Variants in PPM1A observed in about 807,000 individuals in gnomAD.
PPM1A encodes protein phosphatase 1A.
A neutral mutation model predicts 35.0 loss-of-function variants in PPM1A; 7 were observed. The ratio of observed to expected loss-of-function variants is 0.20; its 90% CI spans 0.11 to 0.38. The LOEUF (loss-of-function observed/expected upper bound fraction) is 0.38. Ranked by LOEUF, PPM1A falls within the 10% of genes least tolerant of loss-of-function variation. The pLI is 1.00. For missense variants in PPM1A, 239 were observed against 467.8 expected (o/e 0.51, Z 4.51); for synonymous variants, 153 against 167.3 (o/e 0.91, Z 0.66).
intron 1 of PPM1A, among the ~76,000 whole-genome samples, chr14:60,262,027 TCTTATA>T (rs1883800451): frequency 6.6e-6 from 1 of 152,196 alleles, no homozygotes; most frequent in African/African-American, 2.4e-5. Flanking sequence ...GCCTACAATA[TCTTATA>T]CTTAATTTTT....
rs141310821 is a variant in PPM1A, at chr14:60,283,141, C to T, written c.438C>T (p.Asp146=). 6.2e-7 allele frequency: 1 copy of T among 1,614,238 alleles called. No individual in the cohort carries two copies. Among genetic ancestry groups the T allele is most frequent in the African/African-American group, 1.3e-5 (1 of 75,052 alleles). Residue 146 remains aspartate (D), a synonymous_variant, in exon 2 of 6, where the codon GAC becomes GAT. Transcript: ENST00000395076. The surrounding 1 kb of genome is among the most constrained non-coding windows in gnomAD (Gnocchi z 6.3). ...PQHTYFINCG[D]SRGLLCRNRK... ...ATACTTATTTCATTAACTGTGGAGA[C>T]TCAAGAGGTTTACTTTGTAGGAACA...
chr14:60,249,498 G>GGGCCCGGACGC lies in PPM1A; in HGVS notation c.-199_-189dup. ...GAGCCGCGAGGGCGCCGACAGCCGG[G>GGGCCCGGACGC]GGCCCGGACGCAGCCCGGCTCCTCC... On this transcript the variant is annotated 5_prime_UTR_variant, in exon 1 of 6. Coordinates refer to ENST00000395076, the MANE Select transcript of PPM1A (RefSeq NM_021003.5). The surrounding 1 kb of genome is among the most constrained non-coding windows in gnomAD (Gnocchi z 4.5). 1.0e-6 allele frequency: 1 copy of GGGCCCGGACGC among 985,294 alleles called. No homozygotes were observed. Among genetic ancestry groups the GGGCCCGGACGC allele is most frequent in the Non-Finnish European group, 1.2e-6 (1 of 829,964 alleles). The allele number at this position is 985,294 out of a possible 1,614,324, so 61.0% of individuals were successfully genotyped here.
chr14:60,292,646 C>A lies in PPM1A; in HGVS notation c.*164C>A. ...CAGCAGTACAACAGCTAGCCCAGAA[C>A]TGATTTTTTTTTTTTTTTTTGTAAA... On this transcript the variant is annotated 3_prime_UTR_variant, in exon 6 of 6. Transcript: ENST00000395076. The surrounding 1 kb of genome is among the most constrained non-coding windows in gnomAD (Gnocchi z 4.2). 4.8e-6 allele frequency: 2 copies of A among 415,908 alleles called. No homozygotes were observed. The highest frequency in any genetic ancestry group is 4.1e-6 in the Non-Finnish European group (1 of 243,080). 25.8% of individuals were successfully genotyped at this position (415,908 alleles called of 1,614,324 possible).
At chr14:60,290,090 AT>A (rs567238607) in intron 4 of PPM1A, among the ~76,000 whole-genome samples, 176 bp downstream of exon 4, 137 of 152,304 alleles carry the variant, frequency 9.0e-4, no homozygotes, top group Non-Finnish European at 1.7e-3. Flanking sequence ...AGACATAGGT[AT>A]CAGTATCATT....
chr14:60,298,037 A>G lies in PPM1A; in HGVS notation c.*5555A>G, dbSNP rs563332645. The G allele has an allele frequency of 6.6e-6, 1 of 151,800 alleles. No homozygotes were observed. Among genetic ancestry groups the G allele is most frequent in the South Asian group, 2.1e-4 (1 of 4,824 alleles). 9.4% of individuals were successfully genotyped at this position (151,800 alleles called of 1,614,324 possible). A position where few individuals can be genotyped will look rare whatever the true frequency, so the allele number is the denominator to read the frequency against. On this transcript the variant is annotated 3_prime_UTR_variant, in exon 6 of 6. Coordinates refer to ENST00000395076, the MANE Select transcript of PPM1A (RefSeq NM_021003.5). ...CTAGAGGTAGATAGGGGACCTGGCT[A>G]GAATCTGACATTAAAATATACTTTT...
chr14:60,257,109 A>G (rs1275850937), intron 1 of PPM1A, among the ~76,000 whole-genome samples: 1 of 152,236 alleles, frequency 6.6e-6, no homozygotes, highest in African/African-American at 2.4e-5. Context: ...TTAGTTCCAC[A>G]AGCCATACAC....
In PPM1A at chr14:60,295,367, T is replaced by C. The variant is rs1187076681; in HGVS notation, c.*2885T>C. 1 of 151,692 alleles carries C rather than the reference T, an allele frequency of 6.6e-6. No homozygotes were observed. The highest frequency in any genetic ancestry group is 1.9e-4 in the East Asian group (1 of 5,194). The allele number at this position is 151,692 out of a possible 1,614,324, so 9.4% of individuals were successfully genotyped here. The stretch of plus-strand genomic sequence containing the variant: ...CATATACTTTAAAAAATCAAAGTGA[T>C]AACTTAATTCAGCTTTGGAAGTATC... On this transcript the variant is annotated 3_prime_UTR_variant, in exon 6 of 6. Transcript: ENST00000395076.
At position 60,285,866 on chromosome 14, in the gene PPM1A, G is replaced by A. The variant is rs1886954991; in HGVS notation, c.952+125G>A. On this transcript the variant is annotated intron_variant, in intron 3 of 5. Transcript: ENST00000395076. ...CAGCTAGTGTCTAGTGTATGAAAGT[G>A]GAAAAGGACATTTCTGTAGTAGCTG... The A allele has an allele frequency of 2.0e-5, 29 of 1,448,192 alleles. No individual in the cohort carries two copies. In the South Asian group the frequency reaches 3.7e-4, roughly 18 times the overall value. The allele number at this position is 1,448,192 out of a possible 1,614,324, so 89.7% of individuals were successfully genotyped here.
chr14:60,249,188 G>A, upstream of PPM1A: 2 of 975,732 alleles, frequency 2.0e-6, no homozygotes, highest in Non-Finnish European at 2.4e-6. The surrounding 1 kb of genome is among the most constrained non-coding windows in gnomAD (Gnocchi z 4.5). Flanking sequence ...GAGGGGCGAC[G>A]CGGTCGTGAG....
At position 60,282,017 on chromosome 14, in the gene PPM1A, C is replaced by T. The variant is rs1012689998; in HGVS notation, c.-20-667C>T. ...TACAGTAATTTAATAACTTAACTGA[C>T]TTTATCAAAAACTGAAAAACCTCAT... is the stretch of plus-strand genomic sequence containing the variant. On this transcript the variant is annotated intron_variant, in intron 1 of 5. Coordinates refer to ENST00000395076, the MANE Select transcript of PPM1A (RefSeq NM_021003.5). This position sits in a 1 kb window ranked among gnomAD's most constrained non-coding sequence, Gnocchi z 5.1. 2.0e-5 allele frequency among the ~76,000 whole-genome samples: 3 copies of T among 152,044 alleles called. No individual in the cohort carries two copies. The highest frequency in any genetic ancestry group is 4.4e-5 in the Non-Finnish European group (3 of 67,994).
In PPM1A at chr14:60,285,744, G is replaced by C. The variant is rs1216861060; in HGVS notation, c.952+3G>C. On this transcript the variant is annotated splice_donor_region_variant and intron_variant, in intron 3 of 5. Transcript: ENST00000395076. ...GTACCTGGAATGCAGAGTAGAAGGT[G>C]GATCATTTAACAAAAAATAAGTAGC... 1 of 1,601,498 alleles carries C rather than the reference G, an allele frequency of 6.2e-7. No homozygotes were observed. Among genetic ancestry groups the C allele is most frequent in the Non-Finnish European group, 8.5e-7 (1 of 1,174,290 alleles).
In PPM1A at chr14:60,292,466, C is replaced by T. The variant is rs1306446350; in HGVS notation, c.1133C>T (p.Thr378Ile). 6.2e-7 allele frequency: 1 copy of T among 1,602,792 alleles called. No homozygotes were observed. The change falls in exon 6 of 6, where the codon ACA becomes ATA. Residue 378 changes from threonine to isoleucine, a missense_variant. Physicochemically the swap from Thr to Ile is moderately conservative, Grantham distance 89. This residue lies in a region of PPM1A where 64 missense variants were observed against 78.6 expected (regional missense o/e 0.81). Transcript: ENST00000395076. This position sits in a 1 kb window ranked among gnomAD's most constrained non-coding sequence, Gnocchi z 4.2. ...YKNDDTDSTS[T>I]DDMW ...CCTTTTACAAAGGACTCTACATCAA[C>T]AGATGATATGTGGTAAAACTGCTCA...
intron 1 of PPM1A, among the ~76,000 whole-genome samples, chr14:60,250,987 A>G (rs1882338947): frequency 6.6e-6 from 1 of 152,242 alleles, no homozygotes; most frequent in African/African-American, 2.4e-5. Context: ...ATTGAAAATA[A>G]GGAGATTCTC....
intron 1 of PPM1A, among the ~76,000 whole-genome samples, chr14:60,263,477 A>G (rs537840366): frequency 6.6e-6 from 1 of 152,288 alleles, no homozygotes; most frequent in Admixed American, 6.5e-5. Flanking sequence ...ATTTGTATCT[A>G]ATCTATTTAA....
chr14:60,289,148 A>G lies in PPM1A; in HGVS notation c.953-658A>G, dbSNP rs888729676. Reference sequence around the variant, plus strand: ...TTTTAAACATTTTATAAGGAAATTTAGACCTTTTCTATTCAAGGCTTTGTT... The same window carrying G: ...TTTTAAACATTTTATAAGGAAATTTGGACCTTTTCTATTCAAGGCTTTGTT... On this transcript the variant is annotated intron_variant, in intron 3 of 5. Transcript: ENST00000395076. This position sits in a 1 kb window ranked among gnomAD's most constrained non-coding sequence, Gnocchi z 4.1. Among the ~76,000 whole-genome samples, 2 of 152,150 alleles carry G rather than the reference A, an allele frequency of 1.3e-5. No homozygotes were observed. Among genetic ancestry groups the G allele is most frequent in the African/African-American group, 2.4e-5 (1 of 41,458 alleles).
rs1461682736 is a variant in PPM1A at position 60,282,301 on chromosome 14, G to C, written c.-20-383G>C. 2.6e-5 allele frequency among the ~76,000 whole-genome samples: 4 copies of C among 152,096 alleles called. No individual in the cohort carries two copies. The highest frequency in any genetic ancestry group is 5.9e-5 in the Non-Finnish European group (4 of 68,012). On this transcript the variant is annotated intron_variant, in intron 1 of 5. Transcript: ENST00000395076. The surrounding 1 kb of genome is among the most constrained non-coding windows in gnomAD (Gnocchi z 5.1). ...ATATTTGAGTTAGTAGATTTTTTGG[G>C]TATGTCATGAATTCGTTTGGCTTTT... is the stretch of plus-strand genomic sequence containing the variant.
At position 60,297,050 on chromosome 14, in the gene PPM1A, A is replaced by G. The variant is rs1270498801; in HGVS notation, c.*4568A>G. 2 of 170,884 alleles carry G rather than the reference A, an allele frequency of 1.2e-5. No individual in the cohort carries two copies. The highest frequency in any genetic ancestry group is 2.5e-5 in the Non-Finnish European group (2 of 80,980). 10.6% of individuals were successfully genotyped at this position (170,884 alleles called of 1,614,324 possible). On this transcript the variant is annotated 3_prime_UTR_variant, in exon 6 of 6. Transcript: ENST00000395076. ...AAAAGATTAAGTTGATATAACAACA[A>G]AGTGGACTTTTTTTCTTCCTTATCC...
Position 60,283,931 on chromosome 14 carries a change from A to G in PPM1A, c.834+394A>G, listed in dbSNP as rs1323626902. On this transcript the variant is annotated intron_variant, in intron 2 of 5. Transcript: ENST00000395076. This position sits in a 1 kb window ranked among gnomAD's most constrained non-coding sequence, Gnocchi z 6.3. Reference sequence around the variant, plus strand: ...TATCTCAGTACATTTATGATATCCTAATCCTTTGAAACTAAGGTTTAATGG... The same window carrying G: ...TATCTCAGTACATTTATGATATCCTGATCCTTTGAAACTAAGGTTTAATGG... Among the ~76,000 whole-genome samples, 7 of 152,214 alleles carry G rather than the reference A, an allele frequency of 4.6e-5. No individual in the cohort carries two copies. Among genetic ancestry groups the G allele is most frequent in the Non-Finnish European group, 8.8e-5 (6 of 68,034 alleles).
At chr14:60,252,913 G>T (rs1245232779) in intron 1 of PPM1A, among the ~76,000 whole-genome samples, 1 of 152,092 alleles carries the variant, frequency 6.6e-6, no homozygotes, top group Non-Finnish European at 1.5e-5. Context: ...TCGTTACCAG[G>T]CTTTTCTTTT....
Sources: gnomAD v4.1 joint callset for allele counts (sites outside exome capture counted in the v4.1 genomes callset) on GRCh38, gnomAD v4.1.1 for gene constraint, gnomAD v4.1.1 regional missense constraint, Gnocchi (gnomAD v3.1) non-coding constraint, MANE v1.5 for transcripts, NCBI Gene and HGNC (gene_info 2026-07-23, HGNC 2026-07-21) for gene names.